The following PCDHGB3 variants were observed in gnomAD, a reference collection of about 807,000 sequenced individuals.
The protein encoded by PCDHGB3 is protocadherin gamma subfamily B, 3.
A neutral mutation model predicts 59.2 loss-of-function variants in PCDHGB3; 40 were observed. That is an observed-to-expected ratio of 0.68 (90% CI 0.52 to 0.88). PCDHGB3 has a LOEUF of 0.88. Among genes scored for constraint, PCDHGB3 ranks in the 40% least tolerant of loss-of-function variants. PCDHGB3 has a pLI of 0.00. For synonymous variants in PCDHGB3, 581 were observed against 503.6 expected (o/e 1.15, Z -2.06); for missense variants, 1,309 against 1,187.9 (o/e 1.10, Z -1.50).
chr5:141,397,438 G>A (rs1330293325), intron 1 of PCDHGB3, among the ~76,000 whole-genome samples: 5 of 152,140 alleles, frequency 3.3e-5, no homozygotes, highest in Admixed American at 2.6e-4. Context: ...CCTAATATGT[G>A]TAATATAAAA....
chr5:141,394,263 A>C lies in PCDHGB3; in HGVS notation c.2415+21454A>C, dbSNP rs745926581. The C allele has an allele frequency of 2.5e-6, 4 of 1,613,766 alleles. No homozygotes were observed. In the African/African-American group the frequency reaches 5.3e-5, roughly 22 times the overall value. On this transcript the variant is annotated intron_variant, in intron 1 of 3. Coordinates refer to ENST00000576222, the MANE Select transcript of PCDHGB3 (RefSeq NM_018924.5). ...TGCACACGACCCCGACAGCCAGGAG[A>C]ATGCCCAGGTCACTTACTCTGTGAC...
chr5:141,388,743 A>G (rs1228676619), intron 1 of PCDHGB3: 1 of 1,613,916 alleles, frequency 6.2e-7, no homozygotes, highest in Non-Finnish European at 8.5e-7. Context: ...AGCTAGCCAG[A>G]TCACCCAATT....
At chr5:141,414,692 C>T (rs2095777962) in intron 1 of PCDHGB3, 1 of 1,613,918 alleles carries the variant, frequency 6.2e-7, no homozygotes, top group African/African-American at 1.3e-5. Flanking sequence ...GTACCTCTGT[C>T]CTCATACATA....
Position 141,489,267 on chromosome 5 carries a change from C to T in PCDHGB3, c.2416-5540C>T, listed in dbSNP as rs370726160. 27 of 1,553,302 alleles carry T rather than the reference C, an allele frequency of 1.7e-5. No individual in the cohort carries two copies. Among genetic ancestry groups the T allele is most frequent in the African/African-American group, 8.2e-5 (6 of 73,324 alleles). ...TGGGGCCCAAGACACTCCCACAGCT[C>T]GCTGGGAAATGGCAAGTGCTGTGCA... On this transcript the variant is annotated intron_variant, in intron 1 of 3. Transcript: ENST00000576222. This position sits in a 1 kb window ranked among gnomAD's most constrained non-coding sequence, Gnocchi z 4.5.
intron 1 of PCDHGB3, chr5:141,388,947 A>T: frequency 6.2e-7 from 1 of 1,614,054 alleles, no homozygotes; most frequent in Non-Finnish European, 8.5e-7. Context: ...CAACCTAATT[A>T]TGGAGGACGC....
intron 1 of PCDHGB3, chr5:141,433,240 C>A (rs533423214): frequency 1.3e-6 from 2 of 1,488,038 alleles, no homozygotes; most frequent in Non-Finnish European, 1.8e-6. Flanking sequence ...GTCTCCCAAG[C>A]TGGAATGCAG....
chr5:141,453,700 G>T (rs953445370), intron 1 of PCDHGB3, among the ~76,000 whole-genome samples: 1 of 152,166 alleles, frequency 6.6e-6, no homozygotes, highest in East Asian at 1.9e-4. Flanking sequence ...TCCTGGCTTT[G>T]AACAGTTTCA....
chr5:141,491,148 G>A lies in PCDHGB3; in HGVS notation c.2416-3659G>A. The A allele has an allele frequency of 6.8e-6, 11 of 1,614,140 alleles. No homozygotes were observed. The highest frequency in any genetic ancestry group is 9.3e-6 in the Non-Finnish European group (11 of 1,179,990). The stretch of plus-strand genomic sequence containing the variant: ...TGCGCACAGCCCGGGCCTTACTGGA[G>A]GATGACTCTGACACCCAGCAGGTGG... On this transcript the variant is annotated intron_variant, in intron 1 of 3. Transcript: ENST00000576222. The surrounding 1 kb of genome is among the most constrained non-coding windows in gnomAD (Gnocchi z 6.9).
intron 1 of PCDHGB3, among the ~76,000 whole-genome samples, chr5:141,465,407 A>G (rs1019401245): frequency 6.6e-6 from 1 of 152,218 alleles, no homozygotes; most frequent in African/African-American, 2.4e-5. Flanking sequence ...AGAAGAAGCC[A>G]AATCAGCACT....
chr5:141,433,106 G>C, intron 1 of PCDHGB3: 1 of 1,614,170 alleles, frequency 6.2e-7, no homozygotes, highest in Non-Finnish European at 8.5e-7. Flanking sequence ...CGTCAGCCAG[G>C]AGAGCTTTGA....
Position 141,490,241 on chromosome 5 carries a change from G to T in PCDHGB3, c.2416-4566G>T. 2 of 1,614,246 alleles carry T rather than the reference G, an allele frequency of 1.2e-6. No individual in the cohort carries two copies. Among genetic ancestry groups the T allele is most frequent in the Non-Finnish European group, 1.7e-6 (2 of 1,180,048 alleles). On this transcript the variant is annotated intron_variant, in intron 1 of 3. Transcript: ENST00000576222. This position sits in a 1 kb window ranked among gnomAD's most constrained non-coding sequence, Gnocchi z 5.4. Reference sequence around the variant, plus strand: ...GGACAGCCTGCCATGGAGGGCCACTGTGTGATTCAAGTGGATGTGGGGGAT... The same window carrying T: ...GGACAGCCTGCCATGGAGGGCCACTTTGTGATTCAAGTGGATGTGGGGGAT...
intron 1 of PCDHGB3, chr5:141,391,639 A>G (rs1166696968): frequency 6.6e-6 from 1 of 152,354 alleles, no homozygotes; most frequent in East Asian, 1.9e-4. Context: ...TAGTCAGTGA[A>G]AAAACTATCA....
intron 1 of PCDHGB3, chr5:141,379,535 GGAAA>G (rs1209928987): frequency 6.6e-6 from 1 of 152,098 alleles, no homozygotes; most frequent in Non-Finnish European, 1.5e-5. Flanking sequence ...GTTGTTATAG[GGAAA>G]GCTCACTAAC....
intron 1 of PCDHGB3, chr5:141,475,983 C>A: frequency 9.5e-7 from 1 of 1,049,244 alleles, no homozygotes; most frequent in Non-Finnish European, 1.4e-6. Context: ...GAACAGCCGG[C>A]GAGCAAATCA....
intron 1 of PCDHGB3, chr5:141,421,945 A>T: frequency 2.5e-6 from 4 of 1,613,342 alleles, no homozygotes; most frequent in Non-Finnish European, 3.4e-6. Context: ...AAATGATCAC[A>T]TCCCAATGTT....
Position 141,490,310 on chromosome 5 carries a change from A to G in PCDHGB3, c.2416-4497A>G. 2 of 1,614,082 alleles carry G rather than the reference A, an allele frequency of 1.2e-6. No homozygotes were observed. Among genetic ancestry groups the G allele is most frequent in the South Asian group, 2.2e-5 (2 of 91,078 alleles). ...GAGGTGCTATTGGCCTCTTTGGCCA[A>G]CCCTGTCCTAGAGAGCACACCAGTG... On this transcript the variant is annotated intron_variant, in intron 1 of 3. Transcript: ENST00000576222. The surrounding 1 kb of genome is among the most constrained non-coding windows in gnomAD (Gnocchi z 5.4).
At chr5:141,406,021 G>A (rs530576205) in intron 1 of PCDHGB3, among the ~76,000 whole-genome samples, 1 of 151,382 alleles carries the variant, frequency 6.6e-6, no homozygotes, top group East Asian at 1.9e-4. Context: ...GGCTTTTTGG[G>A]TAGGGTTGCT....
chr5:141,417,633 G>C, intron 1 of PCDHGB3: 1 of 712,146 alleles, frequency 1.4e-6, no homozygotes, highest in South Asian at 2.3e-5. Flanking sequence ...CGCTGACGCC[G>C]GGGATCCCTC....
intron 1 of PCDHGB3, among the ~76,000 whole-genome samples, chr5:141,482,899 T>C (rs1238389686): frequency 1.3e-5 from 2 of 152,076 alleles, no homozygotes; most frequent in Non-Finnish European, 2.9e-5. Context: ...TGGTGAAACC[T>C]CATCTCTATT....
Sources: allele counts gnomAD v4.1 joint callset (sites outside exome capture counted in the v4.1 genomes callset), GRCh38; gene constraint gnomAD v4.1.1; non-coding constraint Gnocchi (gnomAD v3.1); transcripts MANE v1.5; gene names NCBI Gene and HGNC (gene_info 2026-07-23, HGNC 2026-07-21).